The following NXPH1 variants were observed in gnomAD, a reference collection of about 807,000 sequenced individuals.
NXPH1 encodes the protein neurexophilin 1.
Under a neutral mutation model 23.7 loss-of-function variants are expected in NXPH1, and 5 were observed. That is an observed-to-expected ratio of 0.21 (90% CI 0.11 to 0.44). NXPH1 has a LOEUF of 0.44. Among genes scored for constraint, NXPH1 ranks in the 20% least tolerant of loss-of-function variants. NXPH1 has a pLI of 0.99. For missense variants in NXPH1, 324 were observed against 321.6 expected, an observed-to-expected ratio of 1.01 and a Z score of -0.06; for synonymous variants, 144 against 122.2, an observed-to-expected ratio of 1.18 and a Z score of -1.18.
intron 2 of NXPH1, among the ~76,000 whole-genome samples, chr7:8,563,817 T>TA (rs1439683903): frequency 1.3e-5 from 2 of 151,786 alleles, no homozygotes; most frequent in Non-Finnish European, 2.9e-5. Flanking sequence ...GAATGCCACT[T>TA]ATTGTGGTTA....
chr7:8,623,812 C>A (rs577814722), intron 2 of NXPH1, among the ~76,000 whole-genome samples: 1 of 151,264 alleles, frequency 6.6e-6, no homozygotes, highest in Non-Finnish European at 1.5e-5. Context: ...ACATGTAAAC[C>A]TTTTCTATGG....
chr7:8,679,446 A>C (rs1460680600), intron 2 of NXPH1, among the ~76,000 whole-genome samples: 1 of 152,164 alleles, frequency 6.6e-6, no homozygotes, highest in Non-Finnish European at 1.5e-5. Flanking sequence ...AATGGCCAGG[A>C]TGTTTTTTAA....
chr7:8,479,118 A>G (rs1194970025), intron 2 of NXPH1, among the ~76,000 whole-genome samples: 1 of 152,152 alleles, frequency 6.6e-6, no homozygotes, highest in Non-Finnish European at 1.5e-5. Flanking sequence ...GGTTAAACAT[A>G]TAGTTACTTG....
At chr7:8,636,006 T>TTATC (rs1396391486) in intron 2 of NXPH1, among the ~76,000 whole-genome samples, 5 of 152,334 alleles carry the variant, frequency 3.3e-5, no homozygotes, top group Admixed American at 3.3e-4. Context: ...GAAGGTCACT[T>TTATC]TATCTATCCA....
At chr7:8,603,552 T>C (rs897585441) in intron 2 of NXPH1, among the ~76,000 whole-genome samples, 2 of 152,200 alleles carry the variant, frequency 1.3e-5, no homozygotes, top group Non-Finnish European at 2.9e-5. Context: ...TTGGGTATCA[T>C]GGGTCTTTAC....
intron 2 of NXPH1, among the ~76,000 whole-genome samples, chr7:8,524,971 C>A (rs1302961888): frequency 6.6e-6 from 1 of 152,058 alleles, no homozygotes; most frequent in African/African-American, 2.4e-5. Context: ...TGAAAAGATA[C>A]CCGAAAATGT....
intron 2 of NXPH1, among the ~76,000 whole-genome samples, chr7:8,652,564 A>C (rs1478492700): frequency 6.6e-6 from 1 of 152,166 alleles, no homozygotes; most frequent in East Asian, 1.9e-4. Flanking sequence ...ACATTATTAC[A>C]CACAATTTTT....
At chr7:8,603,216 A>G (rs1562421656) in intron 2 of NXPH1, among the ~76,000 whole-genome samples, 1 of 152,174 alleles carries the variant, frequency 6.6e-6, no homozygotes. Flanking sequence ...AGGAGCATAC[A>G]TGGGCTATGT....
At chr7:8,478,669 A>G (rs776685837) in intron 2 of NXPH1, among the ~76,000 whole-genome samples, 1 of 152,118 alleles carries the variant, frequency 6.6e-6, no homozygotes, top group Non-Finnish European at 1.5e-5. Flanking sequence ...GAGAAAGTCC[A>G]TCCAGAACAA....
chr7:8,636,295 C>T (rs988860222), intron 2 of NXPH1, among the ~76,000 whole-genome samples: 2 of 152,162 alleles, frequency 1.3e-5, no homozygotes, highest in African/African-American at 2.4e-5. Flanking sequence ...ACTCAGGGCA[C>T]CGTGGGCATA....
intron 2 of NXPH1, among the ~76,000 whole-genome samples, chr7:8,587,459 C>A (rs1392541698): frequency 6.6e-6 from 1 of 152,030 alleles, no homozygotes; most frequent in Non-Finnish European, 1.5e-5. Context: ...ACTATAGGTG[C>A]ATGCCACTGT....
intron 2 of NXPH1, among the ~76,000 whole-genome samples, chr7:8,663,523 A>G (rs1820711904): frequency 6.6e-6 from 1 of 152,142 alleles, no homozygotes. Context: ...CAAACAAATA[A>G]TAGCTAAAGC....
At chr7:8,739,295 T>C (rs1472698727) in intron 2 of NXPH1, among the ~76,000 whole-genome samples, 1 of 149,110 alleles carries the variant, frequency 6.7e-6, no homozygotes, top group African/African-American at 2.5e-5. Context: ...CGAGGGAATC[T>C]CCTGGTCTGT....
At chr7:8,552,142 A>AAC (rs1818288078) in intron 2 of NXPH1, among the ~76,000 whole-genome samples, 1 of 141,762 alleles carries the variant, frequency 7.1e-6, no homozygotes, top group African/African-American at 2.8e-5. Flanking sequence ...AAAAAAAAAA[A>AAC]CCACCAAAAC....
chr7:8,598,359 T>C (rs1381710705), intron 2 of NXPH1, among the ~76,000 whole-genome samples: 1 of 152,152 alleles, frequency 6.6e-6, no homozygotes, highest in Non-Finnish European at 1.5e-5. Context: ...TGATAAGTTG[T>C]TAATGAATAG....
At chr7:8,452,937 A>T (rs1816532205) in intron 2 of NXPH1, among the ~76,000 whole-genome samples, 1 of 152,124 alleles carries the variant, frequency 6.6e-6, no homozygotes. Context: ...AGCCCAGAAG[A>T]TGAGTGTACT....
At chr7:8,510,832 G>A (rs1817600255) in intron 2 of NXPH1, among the ~76,000 whole-genome samples, 1 of 152,090 alleles carries the variant, frequency 6.6e-6, no homozygotes, top group Non-Finnish European at 1.5e-5. Flanking sequence ...ACTCTACACT[G>A]AAAGTATAGT....
chr7:8,511,659 T>A (rs1013868), intron 2 of NXPH1, among the ~76,000 whole-genome samples: 3 of 152,072 alleles, frequency 2.0e-5, no homozygotes, highest in East Asian at 3.9e-4. Context: ...CTGGCCCCAG[T>A]GAACTTGTAG....
chr7:8,505,206 C>A (rs187310275), intron 2 of NXPH1, among the ~76,000 whole-genome samples: 6 of 152,134 alleles, frequency 3.9e-5, no homozygotes, highest in African/African-American at 1.2e-4. Context: ...TTGATACTTT[C>A]TATACGTACC....
Sources: gnomAD v4.1 joint callset for allele counts (sites outside exome capture counted in the v4.1 genomes callset) on GRCh38, gnomAD v4.1.1 for gene constraint, MANE v1.5 for transcripts, NCBI Gene and HGNC (gene_info 2026-07-23, HGNC 2026-07-21) for gene names.